PRR23C: variants seen among roughly 807,000 people sequenced by gnomAD.
PRR23C encodes the protein proline rich 23C, also known as proline-rich protein 23C.
A neutral mutation model predicts 0.1 loss-of-function variants in PRR23C; 1 was observed. The observed-to-expected ratio is 6.80, with a 90% CI of 2.41 to 32.24. PRR23C has a LOEUF of 32.24. Ranked by LOEUF, PRR23C falls within the 30% of genes most tolerant of loss-of-function variation. The pLI, the probability that PRR23C is intolerant of heterozygous loss-of-function variation, is 0.11. For missense variants in PRR23C, 361 were observed against 370.4 expected (o/e 0.97, Z 0.21); for synonymous variants, 172 against 168.1 (o/e 1.02, Z -0.18).
In PRR23C at chr3:139,042,243, C is replaced by A. The variant is rs1333760087; in HGVS notation, c.*1589G>T. On this transcript the variant is annotated 3_prime_UTR_variant, in exon 1 of 1. Coordinates refer to ENST00000413199, the MANE Select transcript of PRR23C (RefSeq NM_001134657.1). ...TGTTTTAAATCCCTGAAGCCCAAAG[C>A]CTGGTCTCATTAGCGCTCTTGCCAG... The A allele has an allele frequency of 6.6e-6, 1 of 152,190 alleles. No homozygotes were observed. Among genetic ancestry groups the A allele is most frequent in the East Asian group, 1.9e-4 (1 of 5,202 alleles). The allele number at this position is 152,190 out of a possible 1,614,324, so 9.4% of individuals were successfully genotyped here. A position where few individuals can be genotyped will look rare whatever the true frequency, so the allele number is the denominator to read the frequency against.
Position 139,044,206 on chromosome 3 carries a change from G to T in PRR23C, c.415C>A (p.Gln139Lys). 6.2e-7 allele frequency: 1 copy of T among 1,613,024 alleles called. No individual in the cohort carries two copies. Among genetic ancestry groups the T allele is most frequent in the Non-Finnish European group, 8.5e-7 (1 of 1,179,508 alleles). The change falls in exon 1 of 1, where the codon CAG becomes AAG. Residue 139 changes from glutamine (Q) to lysine (K), a missense_variant. Gln to Lys is a moderately conservative substitution (Grantham distance 53). Transcript: ENST00000413199. This position sits in a 1 kb window ranked among gnomAD's most constrained non-coding sequence, Gnocchi z 7.5. ...GAHGEDVVVE[Q>K]EVCASVPEIA... ...TCTGGGACAGATGCGCAGACTTCCTGCTCGACGACGACGTCTTCCCCGTGA... is the reference window on the plus strand; with the variant it reads ...TCTGGGACAGATGCGCAGACTTCCTTCTCGACGACGACGTCTTCCCCGTGA...
At position 139,043,911 on chromosome 3, in the gene PRR23C, G is replaced by T; in HGVS notation, c.710C>A (p.Pro237Gln). The change falls in exon 1 of 1, where the codon CCG (proline) becomes CAG (glutamine). Residue 237 changes from proline (P) to glutamine (Q), a missense_variant. Physicochemically the swap from Pro to Gln is moderately conservative, Grantham distance 76 (BLOSUM62 -1). Coordinates refer to ENST00000413199, the MANE Select transcript of PRR23C (RefSeq NM_001134657.1). ...CGGGCGCGCGTGGGGACCTGGACTC[G>T]GAGAGGGAGGTAGAGGTTGGAGAGG... The part of the protein sequence containing the change: ...SSPLQPLPPS[P>Q]SPGPHARPEL... The T allele has an allele frequency of 6.3e-7, 1 of 1,595,048 alleles. No individual in the cohort carries two copies. The highest frequency in any genetic ancestry group is 2.3e-5 in the East Asian group (1 of 43,680).
At position 139,044,518 on chromosome 3, in the gene PRR23C, C is replaced by G. The variant is rs1336309693; in HGVS notation, c.103G>C (p.Ala35Pro). The change falls in exon 1 of 1, where the codon GCG (alanine) becomes CCG (proline). Residue 35 changes from alanine to proline, a missense_variant. Physicochemically the swap from Ala to Pro is conservative, Grantham distance 27 (BLOSUM62 -1). Coordinates refer to ENST00000413199, the MANE Select transcript of PRR23C (RefSeq NM_001134657.1). This position sits in a 1 kb window ranked among gnomAD's most constrained non-coding sequence, Gnocchi z 7.5. ...GGCGCCGCTCGGGATTCGGGGCCCG[C>G]GGGCTCCTCCAATCGGCTGCGCTTG... Reference protein sequence around the residue: ...PAKRSRLEEPAGPESRAAPSP... With the variant: ...PAKRSRLEEPPGPESRAAPSP... The G allele has an allele frequency of 1.3e-6, 2 of 1,544,544 alleles. No individual in the cohort carries two copies. Among genetic ancestry groups the G allele is most frequent in the African/African-American group, 2.7e-5 (2 of 72,852 alleles).
Position 139,043,865 on chromosome 3 carries a change from C to T in PRR23C, c.756G>A (p.Pro252=), listed in dbSNP as rs7636403. ...HARPELPERP[P]CKVRRRLFQE ...GGAACAGGCGTCTTCGGACCTTGCA[C>T]GGAGGGCGCTCTGGGAGCTCCGGGC... The change falls in exon 1 of 1, where the codon CCG becomes CCA. Residue 252 remains proline, a synonymous_variant. Coordinates refer to ENST00000413199, the MANE Select transcript of PRR23C (RefSeq NM_001134657.1). 7.0e-5 allele frequency: 109 copies of T among 1,559,878 alleles called. No individual in the cohort carries two copies. The Middle Eastern group carries it at 1.0e-3, about 14-fold the overall frequency.
rs759033296 is a variant in PRR23C, at chr3:139,043,995, C to A, written c.626G>T (p.Arg209Leu). 6.2e-7 allele frequency: 1 copy of A among 1,612,166 alleles called. No individual in the cohort carries two copies. The highest frequency in any genetic ancestry group is 8.5e-7 in the Non-Finnish European group (1 of 1,179,064). The change falls in exon 1 of 1, where the codon CGC (arginine) becomes CTC (leucine). Residue 209 changes from arginine (R) to leucine (L), a missense_variant. Transcript: ENST00000413199. Reference sequence around the variant, plus strand: ...CAGGTCGAAGATGGGGCGTGGAGAGCGTCTCTCTGAACTGGGGTTGGGGGC... The same window carrying A: ...CAGGTCGAAGATGGGGCGTGGAGAGAGTCTCTCTGAACTGGGGTTGGGGGC... The part of the protein sequence containing the change: ...ALAPNPSSER[R>L]SPRPIFDLEF...
In PRR23C at chr3:139,044,684, G is replaced by A. The variant is rs1360895789; in HGVS notation, c.-64C>T. ...CAGGGGACGTGGGTGCGGGGGGCTC[G>A]GGGCGGCGAAGTCCTCTTTGAGGTA... On this transcript the variant is annotated 5_prime_UTR_variant, in exon 1 of 1. Coordinates refer to ENST00000413199, the MANE Select transcript of PRR23C (RefSeq NM_001134657.1). The surrounding 1 kb of genome is among the most constrained non-coding windows in gnomAD (Gnocchi z 7.5). The A allele has an allele frequency of 5.6e-6, 8 of 1,418,824 alleles. No homozygotes were observed. The highest frequency in any genetic ancestry group is 3.1e-5 in the South Asian group (2 of 65,350). The allele number at this position is 1,418,824 out of a possible 1,614,324, so 87.9% of individuals were successfully genotyped here. A position where few individuals can be genotyped will look rare whatever the true frequency, so the allele number is the denominator to read the frequency against.
In PRR23C at chr3:139,044,355, C is replaced by CGCAGGACCGACATTGGCGCGAGCT. The variant is rs1355029269; in HGVS notation, c.242_265dup (p.Leu88_Arg89insGlnLeuAlaProMetSerValLeu). On this transcript the variant is annotated inframe_insertion, in exon 1 of 1. Coordinates refer to ENST00000413199, the MANE Select transcript of PRR23C (RefSeq NM_001134657.1). This position sits in a 1 kb window ranked among gnomAD's most constrained non-coding sequence, Gnocchi z 7.5. Reference sequence around the variant, plus strand: ...GAGGGTGTGTCCACCAAGAGACACTCGCAGGACCGACATTGGCGCGAGCTC... The same window carrying CGCAGGACCGACATTGGCGCGAGCT: ...GAGGGTGTGTCCACCAAGAGACACTCGCAGGACCGACATTGGCGCGAGCTGCAGGACCGACATTGGCGCGAGCTC... 6.2e-7 allele frequency: 1 copy of CGCAGGACCGACATTGGCGCGAGCT among 1,604,156 alleles called. No individual in the cohort carries two copies. The highest frequency in any genetic ancestry group is 1.3e-5 in the African/African-American group (1 of 74,694).
Position 139,044,357 on chromosome 3 carries a change from C to T in PRR23C, c.264G>A (p.Leu88=), listed in dbSNP as rs1434028040. The change falls in exon 1 of 1, where the codon CTG becomes CTA. Residue 88 remains leucine (L), a synonymous_variant. Coordinates refer to ENST00000413199, the MANE Select transcript of PRR23C (RefSeq NM_001134657.1). This position sits in a 1 kb window ranked among gnomAD's most constrained non-coding sequence, Gnocchi z 7.5. The part of the protein sequence containing the change: ...LVLELAPMSV[L]RVSLGGHTLI... The stretch of plus-strand genomic sequence containing the variant: ...GGGTGTGTCCACCAAGAGACACTCG[C>T]AGGACCGACATTGGCGCGAGCTCCA... The T allele has an allele frequency of 6.2e-7, 1 of 1,603,364 alleles. No homozygotes were observed. Among genetic ancestry groups the T allele is most frequent in the Admixed American group, 1.7e-5 (1 of 58,482 alleles).
Position 139,043,737 on chromosome 3 carries a change from C to T in PRR23C, c.*95G>A. The T allele has an allele frequency of 8.5e-7, 1 of 1,177,222 alleles. No individual in the cohort carries two copies. The highest frequency in any genetic ancestry group is 1.2e-6 in the Non-Finnish European group (1 of 852,184). The allele number at this position is 1,177,222 out of a possible 1,614,324, so 72.9% of individuals were successfully genotyped here. On this transcript the variant is annotated 3_prime_UTR_variant, in exon 1 of 1. Transcript: ENST00000413199. ...AAGCATCTATCCGTTATCCACTCTC[C>T]GAGATCCTTGTAGGTTGCGCAACAT...
In PRR23C at chr3:139,044,888, A is replaced by C; in HGVS notation, c.-268T>G. The C allele has an allele frequency of 2.2e-6, 1 of 451,938 alleles. No homozygotes were observed. Among genetic ancestry groups the C allele is most frequent in the Non-Finnish European group, 4.0e-6 (1 of 251,006 alleles). 28.0% of individuals were successfully genotyped at this position (451,938 alleles called of 1,614,324 possible). ...CCGGATGCGCACTGCAAAGCCAATT[A>C]TGTTGTAAATGACGGCAGCGGAACC... On this transcript the variant is annotated 5_prime_UTR_variant, in exon 1 of 1. Transcript: ENST00000413199. This position sits in a 1 kb window ranked among gnomAD's most constrained non-coding sequence, Gnocchi z 7.5.
chr3:139,044,621 C>A lies in PRR23C; in HGVS notation c.-1G>T. The A allele has an allele frequency of 2.0e-6, 3 of 1,506,248 alleles. No homozygotes were observed. The highest frequency in any genetic ancestry group is 1.3e-5 in the South Asian group (1 of 78,928). The allele number at this position is 1,506,248 out of a possible 1,614,324, so 93.3% of individuals were successfully genotyped here. On this transcript the variant is annotated 5_prime_UTR_variant, in exon 1 of 1. Transcript: ENST00000413199. The surrounding 1 kb of genome is among the most constrained non-coding windows in gnomAD (Gnocchi z 7.5). ...TGGGGCTGCAGGGCCGGCTGCCCAT[C>A]ACCTCGACGGCGCTGCGGACGGCGC...
At position 139,044,096 on chromosome 3, in the gene PRR23C, G is replaced by A. The variant is rs891911664; in HGVS notation, c.525C>T (p.Ala175=). The change falls in exon 1 of 1, where the codon GCC becomes GCT. Residue 175 remains alanine (A), a synonymous_variant. Transcript: ENST00000413199. This position sits in a 1 kb window ranked among gnomAD's most constrained non-coding sequence, Gnocchi z 7.5. ...ELWMDSAAGS[A]AGLYPSARSM... is the part of the protein sequence containing the mutation. The stretch of plus-strand genomic sequence containing the variant: ...TTCTAGCGGAGGGGTAGAGCCCAGC[G>A]GCTGAGCCGGCTGCGGAGTCCATCC... The A allele has an allele frequency of 1.5e-5, 25 of 1,613,130 alleles. No homozygotes were observed. Among genetic ancestry groups the A allele is most frequent in the Non-Finnish European group, 1.8e-5 (21 of 1,179,604 alleles).
At position 139,044,258 on chromosome 3, in the gene PRR23C, G is replaced by A. The variant is rs1294773046; in HGVS notation, c.363C>T (p.Gly121=). Residue 121 remains glycine, a synonymous_variant, in exon 1 of 1, where the codon GGC becomes GGT. Coordinates refer to ENST00000413199, the MANE Select transcript of PRR23C (RefSeq NM_001134657.1). The surrounding 1 kb of genome is among the most constrained non-coding windows in gnomAD (Gnocchi z 7.5). ...CSGAQGDWSA[G]LEVDVFLGAH... ...CGCCCAGGAAAACGTCCACTTCCAG[G>A]CCGGCAGACCAGTCGCCCTGCGCTC... The A allele has an allele frequency of 6.2e-7, 1 of 1,609,418 alleles. No individual in the cohort carries two copies. Among genetic ancestry groups the A allele is most frequent in the Admixed American group, 1.7e-5 (1 of 59,320 alleles).
rs745691627 is a variant in PRR23C at position 139,044,486 on chromosome 3, C to T, written c.135G>A (p.Pro45=). 6.5e-7 allele frequency: 1 copy of T among 1,541,398 alleles called. No individual in the cohort carries two copies. The highest frequency in any genetic ancestry group is 1.2e-5 in the South Asian group (1 of 82,946). Residue 45 remains proline (P), a synonymous_variant, in exon 1 of 1, where the codon CCG becomes CCA. Transcript: ENST00000413199. This position sits in a 1 kb window ranked among gnomAD's most constrained non-coding sequence, Gnocchi z 7.5. ...AGPESRAAPS[P]EDPAGTPAVD... ...CGGCCGGGGTCCCCGCCGGGTCTTCCGGGCTGGGCGCCGCTCGGGATTCGG... is the reference window on the plus strand; with the variant it reads ...CGGCCGGGGTCCCCGCCGGGTCTTCTGGGCTGGGCGCCGCTCGGGATTCGG...
the PRR23C span, chr3:139,043,939 AGCTGGGGACAG>A: frequency 1.2e-6 from 2 of 1,605,262 alleles, no homozygotes; most frequent in Non-Finnish European, 8.5e-7. Context: ...TGGAGAGGTG[AGCTGGGGACAG>A]GCTCCAGAAG....
Position 139,043,954 on chromosome 3 carries a change from C to T in PRR23C, c.667G>A (p.Glu223Lys). The T allele has an allele frequency of 1.2e-6, 2 of 1,608,132 alleles. No homozygotes were observed. The highest frequency in any genetic ancestry group is 1.7e-6 in the Non-Finnish European group (2 of 1,177,180). Residue 223 changes from glutamate to lysine, a missense_variant, in exon 1 of 1, where the codon GAG becomes AAG. Coordinates refer to ENST00000413199, the MANE Select transcript of PRR23C (RefSeq NM_001134657.1). ...TGGAGAGGTGAGCTGGGGACAGGCT[C>T]CAGAAGATGGAATTCCAGGTCGAAG... ...PIFDLEFHLL[E>K]PVPSSPLQPL...
Position 139,044,499 on chromosome 3 carries a change from G to C in PRR23C, c.122C>G (p.Ala41Gly), listed in dbSNP as rs953106837. 2 of 1,542,626 alleles carry C rather than the reference G, an allele frequency of 1.3e-6. No individual in the cohort carries two copies. The highest frequency in any genetic ancestry group is 8.7e-7 in the Non-Finnish European group (1 of 1,144,586). The change falls in exon 1 of 1, where the codon GCG (alanine) becomes GGG (glycine). Residue 41 changes from alanine (A) to glycine (G), a missense_variant. By Grantham distance (60) the Ala-to-Gly change is moderately conservative. Transcript: ENST00000413199. This position sits in a 1 kb window ranked among gnomAD's most constrained non-coding sequence, Gnocchi z 7.5. ...CGCCGGGTCTTCCGGGCTGGGCGCC[G>C]CTCGGGATTCGGGGCCCGCGGGCTC... ...LEEPAGPESR[A>G]APSPEDPAGT...
rs1256961191 is a variant in PRR23C at position 139,043,673 on chromosome 3, C to G, written c.*159G>C. 3 of 629,598 alleles carry G rather than the reference C, an allele frequency of 4.8e-6. No individual in the cohort carries two copies. The highest frequency in any genetic ancestry group is 7.8e-6 in the Non-Finnish European group (3 of 386,568). The allele number at this position is 629,598 out of a possible 1,614,324, so 39.0% of individuals were successfully genotyped here. A position where few individuals can be genotyped will look rare whatever the true frequency, so the allele number is the denominator to read the frequency against. Reference sequence around the variant, plus strand: ...TTTTTTTCCAGACTTTCTAAGTCAGCCACTGATCCAGAATTCTGCAACGCA... The same window carrying G: ...TTTTTTTCCAGACTTTCTAAGTCAGGCACTGATCCAGAATTCTGCAACGCA... On this transcript the variant is annotated 3_prime_UTR_variant, in exon 1 of 1. Transcript: ENST00000413199.
At position 139,043,792 on chromosome 3, in the gene PRR23C, C is replaced by T; in HGVS notation, c.*40G>A. On this transcript the variant is annotated 3_prime_UTR_variant, in exon 1 of 1. Transcript: ENST00000413199. ...ACAACGGCTATCAGGAGACGGTCTC[C>T]TGGAGCCCAGCAGGGTGGCAAGGGA... is the stretch of plus-strand genomic sequence containing the variant. 2 of 1,482,160 alleles carry T rather than the reference C, an allele frequency of 1.3e-6. No individual in the cohort carries two copies. The highest frequency in any genetic ancestry group is 1.8e-6 in the Non-Finnish European group (2 of 1,116,140). 91.8% of individuals were successfully genotyped at this position (1,482,160 alleles called of 1,614,324 possible). A position where few individuals can be genotyped will look rare whatever the true frequency, so the allele number is the denominator to read the frequency against.
Sources: gnomAD v4.1 joint callset for allele counts on GRCh38, gnomAD v4.1.1 for gene constraint, Gnocchi (gnomAD v3.1) non-coding constraint, MANE v1.5 for transcripts, NCBI Gene and HGNC (gene_info 2026-07-23, HGNC 2026-07-21) for gene names.